Variants in RP1 observed in about 807,000 individuals in gnomAD.
The protein encoded by RP1 is oxygen-regulated protein 1.
A neutral mutation model predicts 14.8 loss-of-function variants in RP1; 16 were observed. The observed-to-expected ratio is 1.08, with a 90% CI of 0.73 to 1.65. The LOEUF (loss-of-function observed/expected upper bound fraction) is 1.65. Among genes scored for constraint, RP1 ranks in the 40% most tolerant of loss-of-function variants. The probability of loss-of-function intolerance (pLI) is 0.00; values close to 1 mark genes in which losing one functional copy is unlikely to be tolerated. For synonymous variants in RP1, 876 were observed against 883.6 expected, an observed-to-expected ratio of 0.99 and a Z score of 0.15; for missense variants, 2,631 against 2,535.0, an observed-to-expected ratio of 1.04 and a Z score of -0.81.
intron 3 of RP1, among the ~76,000 whole-genome samples, chr8:54,638,557 A>C (rs1460495617): frequency 6.6e-6 from 1 of 152,128 alleles, no homozygotes; most frequent in Non-Finnish European, 1.5e-5. Context: ...TTTATTTTCT[A>C]ATCCCAACAT....
intron 12 of RP1, among the ~76,000 whole-genome samples, chr8:54,687,256 T>C (rs1016082267): frequency 4.6e-5 from 7 of 152,166 alleles, no homozygotes; most frequent in African/African-American, 1.7e-4. Flanking sequence ...CTGCTTTTTC[T>C]GCCCTAGTAG....
intron 26 of RP1, among the ~76,000 whole-genome samples, chr8:54,856,301 TGA>T (rs1257973727): frequency 1.3e-5 from 2 of 152,158 alleles, no homozygotes; most frequent in Admixed American, 1.3e-4. Flanking sequence ...AGACAGTGAC[TGA>T]GAGGGGCATG....
At chr8:54,753,191 G>A (rs1163934674) in intron 19 of RP1, among the ~76,000 whole-genome samples, 1 of 152,212 alleles carries the variant, frequency 6.6e-6, no homozygotes, top group Non-Finnish European at 1.5e-5. Flanking sequence ...CTTGCCTGGA[G>A]CAAGTAAAGA....
chr8:54,629,357 TGACTCA>T lies in RP1; in HGVS notation c.5478_5483del (p.Asp1826_Ser1827del), dbSNP rs756809632. On this transcript the variant is annotated inframe_deletion, in exon 4 of 4. Coordinates refer to ENST00000220676, the MANE Select transcript of RP1 (RefSeq NM_006269.2). ...ATTACTTTAACATGCCTCATGGTAG[TGACTCA>T]GAACCTTTTCATGAGGACTTGCTGG... 3 of 1,614,028 alleles carry T rather than the reference TGACTCA, an allele frequency of 1.9e-6. No individual in the cohort carries two copies. Among genetic ancestry groups the T allele is most frequent in the East Asian group, 4.5e-5 (2 of 44,888 alleles).
At chr8:54,732,531 T>C (rs1054552048) in intron 17 of RP1, among the ~76,000 whole-genome samples, 2 of 152,150 alleles carry the variant, frequency 1.3e-5, no homozygotes, top group African/African-American at 2.4e-5. Context: ...TTTTCTTTAG[T>C]TGAGTGAAAG....
At chr8:54,600,470 C>T (rs997358742) in intron 1 of RP1, among the ~76,000 whole-genome samples, 1 of 152,128 alleles carries the variant, frequency 6.6e-6, no homozygotes, top group African/African-American at 2.4e-5. Flanking sequence ...TGGGCAGACC[C>T]ATTACTGCTA....
chr8:54,584,339 A>G (rs1167353505), intron 1 of RP1, among the ~76,000 whole-genome samples: 1 of 152,144 alleles, frequency 6.6e-6, no homozygotes, highest in Non-Finnish European at 1.5e-5. Context: ...CCTGAGTTCT[A>G]GTTTGATTGC....
At chr8:54,758,913 C>G (rs1401070375) in intron 21 of RP1, 1 of 1,535,260 alleles carries the variant, frequency 6.5e-7, no homozygotes, top group Admixed American at 2.0e-5. Flanking sequence ...TCTCTGTCTC[C>G]TGCACCAGAT....
intron 15 of RP1, among the ~76,000 whole-genome samples, chr8:54,717,971 A>G (rs561747407): frequency 6.6e-6 from 1 of 152,328 alleles, no homozygotes; most frequent in Non-Finnish European, 1.5e-5. Flanking sequence ...TTAAAATTAA[A>G]AACATAATTC....
intron 24 of RP1, among the ~76,000 whole-genome samples, chr8:54,797,358 T>C (rs1810600822): frequency 6.6e-6 from 1 of 152,078 alleles, no homozygotes; most frequent in Non-Finnish European, 1.5e-5. Context: ...TAAAGTACAA[T>C]CAGTTTGGCT....
At chr8:54,580,868 C>T (rs368114238) in intron 1 of RP1, among the ~76,000 whole-genome samples, 6 of 152,126 alleles carry the variant, frequency 3.9e-5, no homozygotes, top group South Asian at 2.1e-4. Context: ...CTGCCCACCT[C>T]GGCCTCCCAA....
At position 54,627,672 on chromosome 8, in the gene RP1, G is replaced by C; in HGVS notation, c.3790G>C (p.Val1264Leu). The C allele has an allele frequency of 6.2e-7, 1 of 1,614,202 alleles. No homozygotes were observed. Among genetic ancestry groups the C allele is most frequent in the Non-Finnish European group, 8.5e-7 (1 of 1,179,996 alleles). Reference sequence around the variant, plus strand: ...TTGCTCTCCATGTGAGATGTGCACTGTAAATAAGGCTTATTCTCCAAAAGA... The same window carrying C: ...TTGCTCTCCATGTGAGATGTGCACTCTAAATAAGGCTTATTCTCCAAAAGA... ...VTCSPCEMCT[V>L]NKAYSPKETC... Residue 1264 changes from valine (V) to leucine (L), a missense_variant, in exon 4 of 4, where the codon GTA becomes CTA. Physicochemically the swap from Val to Leu is conservative, Grantham distance 32. Transcript: ENST00000220676.
At chr8:54,678,354 C>G in intron 8 of RP1, 1 of 884,978 alleles carries the variant, frequency 1.1e-6, no homozygotes, top group Non-Finnish European at 1.7e-6. Context: ...TTATATTGTA[C>G]AAGACCTTTA....
At chr8:54,735,052 G>A (rs1378388712) in intron 18 of RP1, among the ~76,000 whole-genome samples, 1 of 152,104 alleles carries the variant, frequency 6.6e-6, no homozygotes, top group Non-Finnish European at 1.5e-5. Flanking sequence ...CTTATAAGCT[G>A]TATAGAGATT....
chr8:54,756,345 G>A (rs879202668), intron 21 of RP1, among the ~76,000 whole-genome samples: 1 of 152,108 alleles, frequency 6.6e-6, no homozygotes, highest in South Asian at 2.1e-4. Context: ...CTATTTGAGG[G>A]CCTGAAATTA....
At chr8:54,798,491 T>G (rs144228703) in intron 24 of RP1, among the ~76,000 whole-genome samples, 1 of 152,358 alleles carries the variant, frequency 6.6e-6, no homozygotes, top group African/African-American at 2.4e-5. Context: ...GTTGGTTCTA[T>G]TATCTACTTG....
intron 1 of RP1, among the ~76,000 whole-genome samples, chr8:54,619,159 C>G (rs1438481796): frequency 6.6e-6 from 1 of 152,136 alleles, no homozygotes; most frequent in African/African-American, 2.4e-5. Flanking sequence ...ATTTTTTTGG[C>G]TTAAGTATTA....
chr8:54,701,305 G>A (rs563291173), intron 13 of RP1, among the ~76,000 whole-genome samples: 5 of 152,258 alleles, frequency 3.3e-5, no homozygotes, highest in African/African-American at 1.2e-4. Context: ...AGTCATTGGA[G>A]CAAGTCATTG....
At chr8:54,673,950 T>C (rs1430328990) in intron 8 of RP1, 1 of 1,499,700 alleles carries the variant, frequency 6.7e-7, no homozygotes, top group South Asian at 1.2e-5. Context: ...CCACAGAGAG[T>C]TCATGAAGGT....
Sources: gnomAD v4.1 joint callset for allele counts (sites outside exome capture counted in the v4.1 genomes callset) on GRCh38, gnomAD v4.1.1 for gene constraint, MANE v1.5 for transcripts, NCBI Gene and HGNC (gene_info 2026-07-23, HGNC 2026-07-21) for gene names.